AMPH: variants seen among roughly 807,000 people sequenced by gnomAD.
AMPH encodes the protein amphiphysin.
Under a neutral mutation model 99.1 loss-of-function variants are expected in AMPH, and 49 were observed. That is an observed-to-expected ratio of 0.49 (90% CI 0.39 to 0.63). The LOEUF (loss-of-function observed/expected upper bound fraction) is 0.63. Among genes scored for constraint, AMPH ranks in the 20% least tolerant of loss-of-function variants. AMPH has a pLI of 0.00. For synonymous variants in AMPH, 314 were observed against 317.3 expected (o/e 0.99, Z 0.11); for missense variants, 759 against 863.4 (o/e 0.88, Z 1.52).
At chr7:38,398,209 GA>G (rs1784736885) in intron 17 of AMPH, among the ~76,000 whole-genome samples, 2 of 148,224 alleles carry the variant, frequency 1.3e-5, no homozygotes, top group Non-Finnish European at 3.0e-5. Context: ...AAAAAAAAGG[GA>G]AATCAATATA....
chr7:38,592,446 T>C (rs1018918048), intron 1 of AMPH, among the ~76,000 whole-genome samples: 2 of 152,142 alleles, frequency 1.3e-5, no homozygotes, highest in African/African-American at 4.8e-5. Flanking sequence ...AAATTCAGTT[T>C]CTGGGCCCGG....
At chr7:38,570,120 C>A (rs1450126813) in intron 1 of AMPH, among the ~76,000 whole-genome samples, 1 of 152,252 alleles carries the variant, frequency 6.6e-6, no homozygotes, top group African/African-American at 2.4e-5. Flanking sequence ...GACTCCAAGT[C>A]TGTTGGCAAG....
chr7:38,535,908 G>A (rs1337426910), intron 1 of AMPH, among the ~76,000 whole-genome samples: 3 of 152,108 alleles, frequency 2.0e-5, no homozygotes, highest in Admixed American at 6.5e-5. Flanking sequence ...GTACCAGTCT[G>A]AGGCCCAGGG....
chr7:38,480,956 A>G (rs1263047955), intron 5 of AMPH, among the ~76,000 whole-genome samples: 3 of 152,330 alleles, frequency 2.0e-5, no homozygotes, highest in East Asian at 3.9e-4. Context: ...TGAATCAATA[A>G]CTTTTAAGTC....
At chr7:38,562,827 A>G (rs902846848) in intron 1 of AMPH, among the ~76,000 whole-genome samples, 2 of 152,212 alleles carry the variant, frequency 1.3e-5, no homozygotes, top group Non-Finnish European at 2.9e-5. Flanking sequence ...GTGTGTCTTC[A>G]TACTTATTTT....
chr7:38,631,158 G>T (rs938099847), intron 1 of AMPH, 125 bp downstream of exon 1: 297 of 852,398 alleles, frequency 3.5e-4, no homozygotes, highest in Non-Finnish European at 4.2e-4. Flanking sequence ...AGCGTCCCTG[G>T]CCCCGGCCCC....
intron 2 of AMPH, among the ~76,000 whole-genome samples, chr7:38,517,438 C>T (rs1180394173): frequency 6.6e-6 from 1 of 152,186 alleles, no homozygotes; most frequent in Non-Finnish European, 1.5e-5. Context: ...TAAGCTGTAC[C>T]TCCTTCCTCT....
intron 1 of AMPH, among the ~76,000 whole-genome samples, chr7:38,556,856 G>A (rs986365342): frequency 6.6e-6 from 1 of 152,174 alleles, no homozygotes; most frequent in Non-Finnish European, 1.5e-5. Context: ...TGGGAGGGAC[G>A]GAGGATGGCA....
chr7:38,471,038 T>C (rs991383637), intron 7 of AMPH, among the ~76,000 whole-genome samples: 2 of 152,186 alleles, frequency 1.3e-5, no homozygotes, highest in South Asian at 2.1e-4. Context: ...ACAAAAACTT[T>C]CAGTACAGAA....
intron 10 of AMPH, among the ~76,000 whole-genome samples, 175 bp from the exon 11 acceptor site, chr7:38,461,586 T>C (rs1488073528): frequency 6.6e-6 from 1 of 152,212 alleles, no homozygotes; most frequent in Non-Finnish European, 1.5e-5. Context: ...TGTGAGGCTC[T>C]CTGAGCCCTG....
intron 1 of AMPH, among the ~76,000 whole-genome samples, chr7:38,589,203 G>A (rs1792768867): frequency 6.6e-6 from 1 of 152,150 alleles, no homozygotes; most frequent in Non-Finnish European, 1.5e-5. Flanking sequence ...AAAACTGCAA[G>A]TGTGAGCAGA....
chr7:38,526,593 C>T (rs1790199440), intron 2 of AMPH, among the ~76,000 whole-genome samples: 1 of 151,816 alleles, frequency 6.6e-6, no homozygotes, highest in African/African-American at 2.4e-5. Context: ...ATGGATTTTG[C>T]CCATTTTCTA....
intron 1 of AMPH, among the ~76,000 whole-genome samples, chr7:38,555,910 T>C (rs62444232): frequency 0.22 from 33,602 of 151,990 alleles, 4,151 homozygotes; most frequent in East Asian, 0.27. Flanking sequence ...GAGCTGAGCA[T>C]TGGGTACACA....
At chr7:38,390,840 C>T (rs1280491479) in intron 19 of AMPH, among the ~76,000 whole-genome samples, 1 of 152,024 alleles carries the variant, frequency 6.6e-6, no homozygotes, top group African/African-American at 2.4e-5. Flanking sequence ...AGGAAACAAC[C>T]CCTTATCTAG....
At chr7:38,452,729 G>A (rs911371421) in intron 11 of AMPH, among the ~76,000 whole-genome samples, 1 of 152,178 alleles carries the variant, frequency 6.6e-6, no homozygotes, top group Non-Finnish European at 1.5e-5. Flanking sequence ...GTGGAATCCT[G>A]ATAACTTTAA....
intron 18 of AMPH, among the ~76,000 whole-genome samples, chr7:38,393,267 C>T (rs3778887): frequency 0.058 from 8,823 of 152,198 alleles, 356 homozygotes; most frequent in East Asian, 0.19. Context: ...TTTAAGTAAC[C>T]CTGGAGAAAT....
At chr7:38,520,277 A>G (rs532102350) in intron 2 of AMPH, among the ~76,000 whole-genome samples, 2 of 152,324 alleles carry the variant, frequency 1.3e-5, no homozygotes, top group African/African-American at 4.8e-5. Context: ...TAGTCATAGT[A>G]TATTATCCTC....
intron 20 of AMPH, among the ~76,000 whole-genome samples, chr7:38,388,011 A>C (rs1488016498): frequency 6.6e-6 from 1 of 152,106 alleles, no homozygotes; most frequent in Non-Finnish European, 1.5e-5. Context: ...CCTTAGTGAA[A>C]GTATTGTTAA....
At chr7:38,390,946 GGAGAGAGACAAAGACAGAGAGAGA>G in intron 19 of AMPH, among the ~76,000 whole-genome samples, 1 of 138,826 alleles carries the variant, frequency 7.2e-6, no homozygotes, top group East Asian at 2.4e-4. Flanking sequence ...ACTTTCTAAT[GGAGAGAGACAAAGACAGAGAGAGA>G]GAGAGAGAGA....
Sources: gnomAD v4.1 joint callset for allele counts (sites outside exome capture counted in the v4.1 genomes callset) on GRCh38, gnomAD v4.1.1 for gene constraint, MANE v1.5 for transcripts, NCBI Gene and HGNC (gene_info 2026-07-23, HGNC 2026-07-21) for gene names.